DSCAM: variants seen among roughly 807,000 people sequenced by gnomAD.
DSCAM encodes cell adhesion molecule DSCAM.
In DSCAM, 47 loss-of-function variants were observed where a neutral mutation model predicts 217.7. That is an observed-to-expected ratio of 0.22 (90% confidence interval 0.17 to 0.28). The LOEUF (loss-of-function observed/expected upper bound fraction) is 0.28. DSCAM is among the 10% of genes least tolerant of loss of function. DSCAM has a pLI of 1.00. For missense variants in DSCAM, 2,080 were observed against 2,618.3 expected (o/e 0.79, Z 4.49); for synonymous variants, 1,056 against 1,015.3 (o/e 1.04, Z -0.76).
At chr21:40,115,921 A>G (rs979672442) in intron 20 of DSCAM, among the ~76,000 whole-genome samples, 14 of 152,266 alleles carry the variant, frequency 9.2e-5, no homozygotes, top group African/African-American at 3.4e-4. Context: ...CATCAATGAT[A>G]GACTAGATAA....
intron 20 of DSCAM, among the ~76,000 whole-genome samples, chr21:40,112,382 C>T (rs937888663): frequency 2.6e-5 from 4 of 151,998 alleles, no homozygotes; most frequent in African/African-American, 7.3e-5. Flanking sequence ...AACAAAGACA[C>T]AACATACCAG....
intron 3 of DSCAM, among the ~76,000 whole-genome samples, chr21:40,448,666 T>A (rs2075695000): frequency 6.6e-6 from 1 of 152,188 alleles, no homozygotes; most frequent in African/African-American, 2.4e-5. Flanking sequence ...CTTTATCTAA[T>A]CTTCTACTGG....
intron 3 of DSCAM, among the ~76,000 whole-genome samples, chr21:40,503,003 C>A (rs1376553671): frequency 6.6e-6 from 1 of 152,144 alleles, no homozygotes; most frequent in Non-Finnish European, 1.5e-5. Flanking sequence ...AGGTTAAGAA[C>A]GTCTCATTTG....
intron 3 of DSCAM, among the ~76,000 whole-genome samples, chr21:40,431,318 T>C (rs555631198): frequency 6.6e-6 from 1 of 152,290 alleles, no homozygotes; most frequent in African/African-American, 2.4e-5. Context: ...CTCAGCCTAT[T>C]CAATATGAAG....
intron 3 of DSCAM, among the ~76,000 whole-genome samples, chr21:40,430,051 T>C (rs1005171187): frequency 1.3e-5 from 2 of 152,202 alleles, no homozygotes; most frequent in Non-Finnish European, 2.9e-5. Context: ...TCCAGTAATC[T>C]GAAGAGTACC....
intron 1 of DSCAM, among the ~76,000 whole-genome samples, chr21:40,833,033 A>C (rs923725652): frequency 6.6e-6 from 1 of 152,240 alleles, no homozygotes. Context: ...TTAAGGAAAT[A>C]TAAACCTAAA....
At chr21:40,242,771 C>T (rs557096552) in intron 11 of DSCAM, among the ~76,000 whole-genome samples, 1 of 152,360 alleles carries the variant, frequency 6.6e-6, no homozygotes, top group African/African-American at 2.4e-5. Context: ...CCCAACCCCA[C>T]AGTGGGCATA....
intron 3 of DSCAM, among the ~76,000 whole-genome samples, chr21:40,490,871 T>A (rs2076071087): frequency 6.6e-6 from 1 of 152,226 alleles, no homozygotes; most frequent in Non-Finnish European, 1.5e-5. Context: ...TAAAAATCAT[T>A]CTTCAACTTT....
intron 1 of DSCAM, among the ~76,000 whole-genome samples, chr21:40,815,815 C>T (rs889993405): frequency 2.6e-5 from 4 of 152,156 alleles, no homozygotes; most frequent in Non-Finnish European, 4.4e-5. Context: ...TGTTCTCAAC[C>T]TTTCTGTGAT....
intron 3 of DSCAM, among the ~76,000 whole-genome samples, chr21:40,411,508 C>A (rs1468504699): frequency 1.3e-5 from 2 of 151,936 alleles, no homozygotes; most frequent in East Asian, 3.9e-4. Context: ...AAATGCAAGA[C>A]CTAATCATAT....
chr21:40,146,350 G>A (rs78839188), intron 16 of DSCAM, among the ~76,000 whole-genome samples: 8,805 of 152,118 alleles, frequency 0.058, 297 homozygotes, highest in East Asian at 0.13. Context: ...CCTGCCCAGC[G>A]GTAAGTCAGG....
chr21:40,182,653 C>A (rs1485113236), intron 14 of DSCAM, among the ~76,000 whole-genome samples: 1 of 114,634 alleles, frequency 8.7e-6, no homozygotes, highest in African/African-American at 4.1e-5. Flanking sequence ...GAGGGGGTTA[C>A]CAGAGAAACC....
chr21:40,677,224 G>C (rs1381912070), intron 3 of DSCAM, among the ~76,000 whole-genome samples: 1 of 150,354 alleles, frequency 6.7e-6, no homozygotes, highest in African/African-American at 2.4e-5. Context: ...AAAAAAAAAT[G>C]TGTGCATAAA....
intron 3 of DSCAM, among the ~76,000 whole-genome samples, chr21:40,611,401 A>G (rs757077501): frequency 6.6e-6 from 1 of 152,198 alleles, no homozygotes; most frequent in Non-Finnish European, 1.5e-5. Flanking sequence ...CAGCGTATCA[A>G]AACTATTATC....
chr21:40,461,219 G>C (rs1397877797), intron 3 of DSCAM, among the ~76,000 whole-genome samples: 1 of 152,186 alleles, frequency 6.6e-6, no homozygotes, highest in Non-Finnish European at 1.5e-5. Flanking sequence ...TACATGCATA[G>C]AGTAGCTCTG....
At chr21:40,488,533 G>C in intron 3 of DSCAM, among the ~76,000 whole-genome samples, 1 of 152,182 alleles carries the variant, frequency 6.6e-6, no homozygotes, top group Non-Finnish European at 1.5e-5. Context: ...TTCTGTCTCC[G>C]TGGGCACAGA....
intron 11 of DSCAM, among the ~76,000 whole-genome samples, chr21:40,245,543 G>A (rs2073212247): frequency 6.6e-6 from 1 of 152,202 alleles, no homozygotes; most frequent in African/African-American, 2.4e-5. Context: ...GGCCTATCAA[G>A]CAGCAAGTCA....
At chr21:40,782,394 C>T (rs2091554949) in intron 1 of DSCAM, among the ~76,000 whole-genome samples, 1 of 152,142 alleles carries the variant, frequency 6.6e-6, no homozygotes. Flanking sequence ...TCCTAAATTA[C>T]AAACTTCTCA....
At chr21:40,350,941 T>G (rs2074624266) in intron 5 of DSCAM, among the ~76,000 whole-genome samples, 4 of 131,606 alleles carry the variant, frequency 3.0e-5, no homozygotes. Context: ...TAGGCTGGAG[T>G]GCAGTGGCAC....
Sources: allele counts gnomAD v4.1 joint callset (sites outside exome capture counted in the v4.1 genomes callset), GRCh38; gene constraint gnomAD v4.1.1; transcripts MANE v1.5; gene names NCBI Gene and HGNC (gene_info 2026-07-23, HGNC 2026-07-21).